RPH3A: variants seen among roughly 807,000 people sequenced by gnomAD.
The protein encoded by RPH3A is rabphilin 3A.
A neutral mutation model predicts 102.2 loss-of-function variants in RPH3A; 48 were observed. The observed-to-expected ratio is 0.47, with a 90% CI of 0.37 to 0.60. The LOEUF (loss-of-function observed/expected upper bound fraction) is 0.60, where lower values mean the gene tolerates loss of function less well. Ranked by LOEUF, RPH3A falls within the 20% of genes least tolerant of loss-of-function variation. The pLI, the probability that RPH3A is intolerant of heterozygous loss-of-function variation, is 0.00. For synonymous variants in RPH3A, 310 were observed against 324.3 expected, an observed-to-expected ratio of 0.96 and a Z score of 0.47; for missense variants, 781 against 910.1, an observed-to-expected ratio of 0.86 and a Z score of 1.83.
chr12:112,868,076 G>A lies in RPH3A; in HGVS notation c.445-354G>A, dbSNP rs377487900. On this transcript the variant is annotated intron_variant, in intron 7 of 21. Coordinates refer to ENST00000389385, the MANE Select transcript of RPH3A (RefSeq NM_001143854.2). ...TAGATCACCCTCTTCACAACAACCA[G>A]TGTAGTGGAGAGCATGCCACATTTA... The A allele has an allele frequency of 9.7e-5, 20 of 206,602 alleles. No homozygotes were observed. In the East Asian group the frequency reaches 1.1e-3, roughly 11 times the overall value. The allele number at this position is 206,602 out of a possible 1,614,324, so 12.8% of individuals were successfully genotyped here. A position where few individuals can be genotyped will look rare whatever the true frequency, so the allele number is the denominator to read the frequency against.
intron 4 of RPH3A, among the ~76,000 whole-genome samples, chr12:112,846,702 G>T (rs913567993): frequency 6.6e-5 from 10 of 152,186 alleles, no homozygotes; most frequent in African/African-American, 2.4e-4. Context: ...AATTTCTAGT[G>T]GTGTTTACCC....
intron 1 of RPH3A, among the ~76,000 whole-genome samples, chr12:112,755,050 C>G (rs1412583025): frequency 1.3e-5 from 2 of 152,196 alleles, no homozygotes; most frequent in African/African-American, 4.8e-5. Flanking sequence ...TTATCCCCAA[C>G]ACCTAGCCTA....
chr12:112,876,795 C>T lies in RPH3A; in HGVS notation c.1100C>T (p.Ala367Val). The T allele has an allele frequency of 6.2e-7, 1 of 1,610,102 alleles. No individual in the cohort carries two copies. Among genetic ancestry groups the T allele is most frequent in the Non-Finnish European group, 8.5e-7 (1 of 1,178,216 alleles). Residue 367 changes from alanine to valine, a missense_variant, in exon 13 of 22, where the codon GCT becomes GTT. Physicochemically the swap from Ala to Val is moderately conservative, Grantham distance 64. This residue lies in a region of RPH3A where 730 missense variants were observed against 810.0 expected (regional missense o/e 0.90). Transcript: ENST00000389385. Reference sequence around the variant, plus strand: ...GCATCTGCAGCTGCCCCCCAGCCTGCTGCAGCCCGCCAGCCACCACCCCCA... The same window carrying T: ...GCATCTGCAGCTGCCCCCCAGCCTGTTGCAGCCCGCCAGCCACCACCCCCA... ...SQASAAAPQP[A>V]AARQPPPPEE...
intron 2 of RPH3A, among the ~76,000 whole-genome samples, chr12:112,808,523 C>T (rs915862507): frequency 4.6e-5 from 7 of 152,216 alleles, no homozygotes; most frequent in Non-Finnish European, 8.8e-5. Context: ...GCAACAAGCC[C>T]TCAGCCTCCC....
At chr12:112,681,681 ATAT>A (rs1422040923) in intron 1 of RPH3A, among the ~76,000 whole-genome samples, 8 of 152,228 alleles carry the variant, frequency 5.3e-5, no homozygotes, top group Non-Finnish European at 8.8e-5. Flanking sequence ...TTAAAGTGAA[ATAT>A]ATTAATCATG....
chr12:112,628,629 G>A (rs1427832088), intron 1 of RPH3A, among the ~76,000 whole-genome samples: 1 of 133,680 alleles, frequency 7.5e-6, no homozygotes, highest in East Asian at 2.2e-4. Context: ...GTGGGGTGGT[G>A]CATATCTGTA....
At chr12:112,849,423 GTGTGTGTGTGTGCA>G (rs797019888) in intron 5 of RPH3A, among the ~76,000 whole-genome samples, 6,416 of 151,774 alleles carry the variant, frequency 0.042, 475 homozygotes, top group African/African-American at 0.15. Context: ...GTGTGTGTGT[GTGTGTGTGTGTGCA>G]TGTGTGTGTA....
chr12:112,836,641 A>G (rs2042056315), intron 4 of RPH3A, 139 bp downstream of exon 4: 2 of 348,208 alleles, frequency 5.7e-6, no homozygotes, highest in East Asian at 4.4e-5. Flanking sequence ...TAAAAAGCTA[A>G]GTTAAAAAAA....
chr12:112,881,996 G>A, intron 15 of RPH3A, 150 bp downstream of exon 15: 1 of 565,246 alleles, frequency 1.8e-6, no homozygotes, highest in Non-Finnish European at 3.2e-6. Context: ...TGCAGAGCAA[G>A]TAAAGTATGT....
intron 1 of RPH3A, among the ~76,000 whole-genome samples, chr12:112,698,314 A>G (rs1253489203): frequency 6.6e-6 from 1 of 152,224 alleles, no homozygotes; most frequent in Non-Finnish European, 1.5e-5. Flanking sequence ...CTAATAAAAA[A>G]AGGAGAAAAA....
intron 1 of RPH3A, among the ~76,000 whole-genome samples, chr12:112,690,241 T>G (rs949464649): frequency 6.6e-6 from 1 of 152,226 alleles, no homozygotes. Flanking sequence ...TGGTTTGAAA[T>G]ATATCCTTCC....
chr12:112,811,484 A>G (rs2041574132), intron 2 of RPH3A, among the ~76,000 whole-genome samples: 1 of 152,136 alleles, frequency 6.6e-6, no homozygotes, highest in Non-Finnish European at 1.5e-5. Context: ...CAAAATTACC[A>G]ACAAAAAGTG....
chr12:112,865,711 C>A, intron 6 of RPH3A, 168 bp downstream of exon 6: 3 of 622,960 alleles, frequency 4.8e-6, no homozygotes, highest in Non-Finnish European at 7.7e-6. Flanking sequence ...TACTGTCTTC[C>A]AACGTAACCC....
At chr12:112,632,803 G>A (rs556847389) in intron 1 of RPH3A, among the ~76,000 whole-genome samples, 5 of 152,276 alleles carry the variant, frequency 3.3e-5, no homozygotes, top group South Asian at 2.1e-4. Context: ...GGAGCATAGC[G>A]GACAAGGGAG....
At chr12:112,896,592 G>A in intron 21 of RPH3A, 58 bp from the exon 22 acceptor site, 1 of 1,597,754 alleles carries the variant, frequency 6.3e-7, no homozygotes, top group South Asian at 1.1e-5. Context: ...CTACACATTT[G>A]GGTCTAGAAC....
intron 1 of RPH3A, among the ~76,000 whole-genome samples, chr12:112,713,274 T>C (rs747888315): frequency 3.3e-5 from 5 of 151,850 alleles, no homozygotes; most frequent in Non-Finnish European, 7.4e-5. Context: ...GCCTATTGTA[T>C]TGTCTTGCAC....
chr12:112,735,673 T>G (rs1439684151), intron 1 of RPH3A, among the ~76,000 whole-genome samples: 2 of 152,088 alleles, frequency 1.3e-5, no homozygotes, highest in Admixed American at 1.3e-4. Context: ...CACCCAGAAT[T>G]TAGGGTTCAC....
intron 2 of RPH3A, among the ~76,000 whole-genome samples, chr12:112,817,897 T>C (rs969787285): frequency 1.3e-5 from 2 of 152,186 alleles, no homozygotes; most frequent in African/African-American, 4.8e-5. Flanking sequence ...CAATTCTGGT[T>C]GTCTTTGGAA....
At chr12:112,843,430 G>C (rs1299852481) in intron 4 of RPH3A, among the ~76,000 whole-genome samples, 1 of 152,214 alleles carries the variant, frequency 6.6e-6, no homozygotes, top group Non-Finnish European at 1.5e-5. Context: ...AAAGGTGCCA[G>C]CAGCCTCCAG....
Sources: gnomAD v4.1 joint callset for allele counts (sites outside exome capture counted in the v4.1 genomes callset) on GRCh38, gnomAD v4.1.1 for gene constraint, gnomAD v4.1.1 regional missense constraint, MANE v1.5 for transcripts, NCBI Gene and HGNC (gene_info 2026-07-23, HGNC 2026-07-21) for gene names.